IL31RA: variants seen among roughly 807,000 people sequenced by gnomAD.
The protein encoded by IL31RA is interleukin 31 receptor A.
IL31RA carries 66 observed loss-of-function variants against 83.7 expected under a neutral mutation model. The ratio of observed to expected loss-of-function variants is 0.79; its 90% CI spans 0.65 to 0.97. IL31RA has a LOEUF of 0.97. Among genes scored for constraint, IL31RA ranks in the 50% least tolerant of loss-of-function variants. The probability of loss-of-function intolerance (pLI) is 0.00; values close to 1 mark genes in which losing one functional copy is unlikely to be tolerated. For synonymous variants in IL31RA, 325 were observed against 329.0 expected (o/e 0.99, Z 0.13); for missense variants, 798 against 919.4 (o/e 0.87, Z 1.71).
chr5:55,883,139 G>T lies in IL31RA; in HGVS notation c.550G>T (p.Val184Phe), dbSNP rs756017686. Residue 184 changes from valine to phenylalanine, a missense_variant, in exon 5 of 15, where the codon GTT becomes TTT. Coordinates refer to ENST00000652347, the MANE Select transcript of IL31RA (RefSeq NM_139017.7). Reference protein sequence around the residue: ...IEWIKPELAPVSSDLKYTLRF... With the variant: ...IEWIKPELAPFSSDLKYTLRF... The stretch of plus-strand genomic sequence containing the variant: ...ATGGATAAAGCCTGAGTTGGCGCCT[G>T]TTTCATCTGATTTAAAATACACACT... 1 of 1,613,980 alleles carries T rather than the reference G, an allele frequency of 6.2e-7. No individual in the cohort carries two copies. The highest frequency in any genetic ancestry group is 1.1e-5 in the South Asian group (1 of 91,076).
intron 1 of IL31RA, among the ~76,000 whole-genome samples, chr5:55,857,997 T>G (rs1370605282): frequency 6.6e-6 from 1 of 152,164 alleles, no homozygotes; most frequent in Non-Finnish European, 1.5e-5. Flanking sequence ...ACTTTTCCAG[T>G]TTTGTCTCTG....
At position 55,916,626 on chromosome 5, in the gene IL31RA, T is replaced by A. The variant is rs373521990; in HGVS notation, c.1819-18T>A. 1.4e-4 allele frequency: 220 copies of A among 1,608,172 alleles called. No individual in the cohort carries two copies. The highest frequency in any genetic ancestry group is 1.8e-4 in the Non-Finnish European group (208 of 1,174,764). ...GACTCCTAAATGACCACTTGGGATG[T>A]CCCTTTTTCTTTTCCAGGATAAGCT... On this transcript the variant is annotated intron_variant, in intron 14 of 14. Transcript: ENST00000652347.
At chr5:55,904,046 G>A (rs1394894932) in intron 8 of IL31RA, among the ~76,000 whole-genome samples, 1 of 152,176 alleles carries the variant, frequency 6.6e-6, no homozygotes, top group South Asian at 2.1e-4. Context: ...TCTTCACATG[G>A]CTAGCTTCTT....
chr5:55,879,398 A>G (rs1747050285), intron 4 of IL31RA, among the ~76,000 whole-genome samples: 1 of 135,526 alleles, frequency 7.4e-6, no homozygotes, highest in South Asian at 2.4e-4. Flanking sequence ...CAGAGCTCCT[A>G]CAAGTTTAGT....
rs550796243 is a variant in IL31RA, at chr5:55,917,263, T to C, written c.*143T>C. The C allele has an allele frequency of 1.1e-5, 17 of 1,569,130 alleles. No individual in the cohort carries two copies. In the African/African-American group the frequency reaches 2.3e-4, roughly 21 times the overall value. ...TTTCCCCTGCCCCTTGAGCTGCCAG[T>C]TGAACTTGGTCGGCAAAGATGCGAC... On this transcript the variant is annotated 3_prime_UTR_variant, in exon 15 of 15. Coordinates refer to ENST00000652347, the MANE Select transcript of IL31RA (RefSeq NM_139017.7).
At chr5:55,891,516 T>C (rs971489338) in intron 6 of IL31RA, among the ~76,000 whole-genome samples, 8 of 152,168 alleles carry the variant, frequency 5.3e-5, no homozygotes, top group African/African-American at 1.9e-4. Flanking sequence ...GCTGCCTGCA[T>C]TCTTTGGCTT....
intron 8 of IL31RA, among the ~76,000 whole-genome samples, chr5:55,902,108 G>T (rs781245882): frequency 6.6e-6 from 1 of 152,122 alleles, no homozygotes; most frequent in Non-Finnish European, 1.5e-5. Context: ...ACTGCAGCTT[G>T]CAGGTTAAAT....
chr5:55,881,716 ATTTTTTTTTTTTTTTTTTT>A (rs34217814), intron 4 of IL31RA, among the ~76,000 whole-genome samples: 1 of 59,630 alleles, frequency 1.7e-5, no homozygotes, highest in African/African-American at 7.3e-5. Context: ...AGTTCCTGAG[ATTTTTTTTTTTTTTTTTTT>A]TTTTTTTTTT....
rs1192139886 is a variant in IL31RA, at chr5:55,867,221, TTG to T, written c.155-1560_155-1559del. ...TGTTTGTGTGTGTGCGCATGTGTGT[TTG>T]TGTGTGTGTTTGTGTGTGTGTTTGT... is the stretch of plus-strand genomic sequence containing the variant. On this transcript the variant is annotated intron_variant, in intron 2 of 14. Coordinates refer to ENST00000652347, the MANE Select transcript of IL31RA (RefSeq NM_139017.7). 3.4e-3 allele frequency among the ~76,000 whole-genome samples: 256 copies of T among 74,768 alleles called. 4 individuals carry two copies. Among genetic ancestry groups the T allele is most frequent in the East Asian group, 0.027 (90 of 3,282 alleles). 49.1% of individuals were successfully genotyped at this position (74,768 alleles called of 152,430 possible).
intron 3 of IL31RA, among the ~76,000 whole-genome samples, chr5:55,869,433 C>A (rs1480083228): frequency 6.6e-6 from 1 of 152,004 alleles, no homozygotes; most frequent in Non-Finnish European, 1.5e-5. Flanking sequence ...AATTATTATT[C>A]TAGCCAAAAG....
At chr5:55,902,020 C>G (rs928195191) in intron 8 of IL31RA, among the ~76,000 whole-genome samples, 2 of 152,256 alleles carry the variant, frequency 1.3e-5, no homozygotes, top group African/African-American at 4.8e-5. Context: ...GCTAAATTCA[C>G]TTAGGTTTTT....
Position 55,920,835 on chromosome 5 carries a change from G to A in IL31RA, c.*3715G>A, listed in dbSNP as rs904490218. Among the ~76,000 whole-genome samples, 3 of 152,186 alleles carry A rather than the reference G, an allele frequency of 2.0e-5. No individual in the cohort carries two copies. Among genetic ancestry groups the A allele is most frequent in the African/African-American group, 2.4e-5 (1 of 41,444 alleles). ...CTGTCCCCTTCCCATAGCTAAGGTC[G>A]AGAGTTGGTGGCTTACACCAGTGGT... is the stretch of plus-strand genomic sequence containing the variant. On this transcript the variant is annotated 3_prime_UTR_variant, in exon 15 of 15. Coordinates refer to ENST00000652347, the MANE Select transcript of IL31RA (RefSeq NM_139017.7).
At position 55,898,015 on chromosome 5, in the gene IL31RA, G is replaced by A. The variant is rs1748532025; in HGVS notation, c.852+1586G>A. On this transcript the variant is annotated intron_variant, in intron 7 of 14. Coordinates refer to ENST00000652347, the MANE Select transcript of IL31RA (RefSeq NM_139017.7). Reference sequence around the variant, plus strand: ...CTCCCTCCACACCCGCAGGGCTATGGGACTCCCTGGGTTGCGGAGGCGGTG... The same window carrying A: ...CTCCCTCCACACCCGCAGGGCTATGAGACTCCCTGGGTTGCGGAGGCGGTG... Among the ~76,000 whole-genome samples the A allele has an allele frequency of 2.6e-5, 4 of 152,334 alleles. No individual in the cohort carries two copies. In the South Asian group the frequency reaches 8.3e-4, roughly 32 times the overall value.
Position 55,922,488 on chromosome 5 carries a change from A to G in IL31RA, c.*5368A>G, listed in dbSNP as rs1750140434. ...GTGGTCTATGCAAATTAGAAAGGAC[A>G]TGCAGAGTTTTCCAACTAGGAAGAC... On this transcript the variant is annotated 3_prime_UTR_variant, in exon 15 of 15. Coordinates refer to ENST00000652347, the MANE Select transcript of IL31RA (RefSeq NM_139017.7). 1 of 1,443,662 alleles carries G rather than the reference A, an allele frequency of 6.9e-7. No homozygotes were observed. Among genetic ancestry groups the G allele is most frequent in the South Asian group, 1.2e-5 (1 of 80,786 alleles). The allele number at this position is 1,443,662 out of a possible 1,614,324, so 89.4% of individuals were successfully genotyped here.
Position 55,900,149 on chromosome 5 carries a change from C to G in IL31RA, c.1069+17C>G, listed in dbSNP as rs1361360460. On this transcript the variant is annotated intron_variant, in intron 8 of 14. Transcript: ENST00000652347. ...AAGAAAAATGTAAGTAGAGCATCAA[C>G]TTCTTCCTTAGGTGCCTGGTCCCAT... 6.4e-7 allele frequency: 1 copy of G among 1,567,780 alleles called. No individual in the cohort carries two copies.
At position 55,917,018 on chromosome 5, in the gene IL31RA, G is replaced by C. The variant is rs776105995; in HGVS notation, c.2193G>C (p.Leu731=). 9 of 1,614,224 alleles carry C rather than the reference G, an allele frequency of 5.6e-6. No homozygotes were observed. In the South Asian group the frequency reaches 7.7e-5, roughly 14 times the overall value. ...GTCAAAGTTTAGTACCAGATCATCT[G>C]TGTGAGGAAGGAGCCCCAAATCCAT... ...FSGQSLVPDH[L]CEEGAPNPYL... is the part of the protein sequence containing the mutation. Residue 731 remains leucine (L), a synonymous_variant, in exon 15 of 15, where the codon CTG becomes CTC. Transcript: ENST00000652347.
Position 55,917,446 on chromosome 5 carries a change from G to C in IL31RA, c.*326G>C. ...CTGAGCCCAAAGGACCCCCAGGGTG[G>C]ACATATCTGGCCTCCCAGGAATTGG... On this transcript the variant is annotated 3_prime_UTR_variant, in exon 15 of 15. Transcript: ENST00000652347. 1 of 660,234 alleles carries C rather than the reference G, an allele frequency of 1.5e-6. No individual in the cohort carries two copies. Among genetic ancestry groups the C allele is most frequent in the Non-Finnish European group, 2.1e-6 (1 of 467,906 alleles). The allele number at this position is 660,234 out of a possible 1,614,324, so 40.9% of individuals were successfully genotyped here. A position where few individuals can be genotyped will look rare whatever the true frequency, so the allele number is the denominator to read the frequency against.
At chr5:55,868,687 A>G in intron 2 of IL31RA, 104 bp from the exon 3 acceptor site, 1 of 802,532 alleles carries the variant, frequency 1.2e-6, no homozygotes. Context: ...AAAAAAATCT[A>G]GCTTTTGATC....
At chr5:55,874,087 CTT>C (rs1746690990) in intron 4 of IL31RA, among the ~76,000 whole-genome samples, 1 of 151,946 alleles carries the variant, frequency 6.6e-6, no homozygotes, top group Admixed American at 6.6e-5. Context: ...AGGGGTCTAA[CTT>C]TATTCTTTTG....
Sources: allele counts gnomAD v4.1 joint callset (sites outside exome capture counted in the v4.1 genomes callset), GRCh38; gene constraint gnomAD v4.1.1; transcripts MANE v1.5; gene names NCBI Gene and HGNC (gene_info 2026-07-23, HGNC 2026-07-21).